PIP5K1C: variants seen among roughly 807,000 people sequenced by gnomAD.
The protein encoded by PIP5K1C is phosphatidylinositol 4-phosphate 5-kinase type-1 gamma.
A neutral mutation model predicts 80.1 loss-of-function variants in PIP5K1C; 45 were observed. That is an observed-to-expected ratio of 0.56 (90% CI 0.44 to 0.72). PIP5K1C has a LOEUF of 0.72. Among genes scored for constraint, PIP5K1C ranks in the 30% least tolerant of loss-of-function variants. The pLI is 0.00. For synonymous variants in PIP5K1C, 498 were observed against 420.1 expected (o/e 1.19, Z -2.27); for missense variants, 753 against 954.6 (o/e 0.79, Z 2.78).
chr19:3,676,789 G>A (rs1017652299), intron 1 of PIP5K1C, among the ~76,000 whole-genome samples: 25 of 152,238 alleles, frequency 1.6e-4, no homozygotes, highest in African/African-American at 5.8e-4. Context: ...AAGAAAAAAA[G>A]GAGAGAAAGG....
chr19:3,699,422 CGCTTGCCCGCCT>C, intron 1 of PIP5K1C, among the ~76,000 whole-genome samples: 1 of 152,310 alleles, frequency 6.6e-6, no homozygotes, highest in South Asian at 2.1e-4. Flanking sequence ...CCCGCCCGCC[CGCTTGCCCGCCT>C]GCCAACCAAG....
chr19:3,674,861 G>C (rs1253421648), intron 1 of PIP5K1C, among the ~76,000 whole-genome samples: 1 of 152,180 alleles, frequency 6.6e-6, no homozygotes, highest in Admixed American at 6.5e-5. Context: ...GTCTTACTTG[G>C]ACTTCTTACA....
chr19:3,650,582 G>A (rs973988264), intron 8 of PIP5K1C, among the ~76,000 whole-genome samples: 1 of 152,218 alleles, frequency 6.6e-6, no homozygotes, highest in African/African-American at 2.4e-5. Context: ...GAATGACCCA[G>A]CCCTCACATC....
chr19:3,668,874 A>G (rs1185969588), intron 1 of PIP5K1C, among the ~76,000 whole-genome samples: 1 of 152,172 alleles, frequency 6.6e-6, no homozygotes, highest in African/African-American at 2.4e-5. Flanking sequence ...ACGGCAGCAC[A>G]AAGGTCACAA....
At chr19:3,660,872 G>A in intron 5 of PIP5K1C, 94 bp downstream of exon 5, 1 of 947,730 alleles carries the variant, frequency 1.1e-6, no homozygotes, top group Non-Finnish European at 1.7e-6. Flanking sequence ...GGAACCCAGG[G>A]AGGCTGCCCC....
Position 3,643,236 on chromosome 19 carries a change from C to T in PIP5K1C, c.1649+7G>A, listed in dbSNP as rs776236359. ...CCGCCCACATGCACTGCGGATGCCT[C>T]GCCCACCTGTACCGCGGCTGCTCCG... is the stretch of plus-strand genomic sequence containing the variant. On this transcript the variant is annotated splice_region_variant and intron_variant, in intron 13 of 17. Transcript: ENST00000335312. The T allele has an allele frequency of 1.1e-5, 18 of 1,613,224 alleles. No homozygotes were observed. The East Asian group carries it at 3.6e-4, about 32-fold the overall frequency.
chr19:3,674,955 C>T (rs1410131159), intron 1 of PIP5K1C, among the ~76,000 whole-genome samples: 1 of 152,174 alleles, frequency 6.6e-6, no homozygotes, highest in African/African-American at 2.4e-5. Flanking sequence ...AGCACGGATG[C>T]ACCTTGAAGA....
chr19:3,643,131 A>G (rs1350791804), intron 13 of PIP5K1C, 112 bp downstream of exon 13: 7 of 1,552,106 alleles, frequency 4.5e-6, no homozygotes, highest in African/African-American at 1.4e-5. Flanking sequence ...TCCACCGTAC[A>G]TACGATGCTC....
At chr19:3,634,291 C>T (rs2033584299) in intron 16 of PIP5K1C, among the ~76,000 whole-genome samples, 1 of 152,034 alleles carries the variant, frequency 6.6e-6, no homozygotes, top group Non-Finnish European at 1.5e-5. Context: ...CTGAGGAGCC[C>T]CCACCCCCTC....
chr19:3,643,165 C>A lies in PIP5K1C; in HGVS notation c.1649+78G>T, dbSNP rs114428049. ...TCCACCCACATGCACAGCGGATGCC[C>A]CGCCCACATGCAGTGAATGCCCCGC... On this transcript the variant is annotated intron_variant, in intron 13 of 17. Coordinates refer to ENST00000335312, the MANE Select transcript of PIP5K1C (RefSeq NM_012398.3). 1,672 of 1,597,570 alleles carry A rather than the reference C, an allele frequency of 1.0e-3. 22 individuals carry two copies. In the African/African-American group the frequency reaches 0.018, roughly 17 times the overall value.
At chr19:3,642,264 G>GT (rs1399117843) in intron 14 of PIP5K1C, among the ~76,000 whole-genome samples, 1 of 152,242 alleles carries the variant, frequency 6.6e-6, no homozygotes, top group Non-Finnish European at 1.5e-5. Flanking sequence ...TTAAAACACG[G>GT]TTAAGAAAAG....
chr19:3,649,958 C>A, intron 8 of PIP5K1C: 1 of 239,500 alleles, frequency 4.2e-6, no homozygotes, highest in Non-Finnish European at 8.3e-6. Context: ...GGCTGGCGCC[C>A]TGCACGCTCT....
chr19:3,698,422 C>T (rs1221861247), intron 1 of PIP5K1C, among the ~76,000 whole-genome samples: 1 of 152,220 alleles, frequency 6.6e-6, no homozygotes, highest in South Asian at 2.1e-4. Flanking sequence ...GCCTGGCGCT[C>T]GCCCTCTCTA....
At chr19:3,641,464 C>T (rs1353635170) in intron 15 of PIP5K1C, among the ~76,000 whole-genome samples, 6 of 152,246 alleles carry the variant, frequency 3.9e-5, no homozygotes, top group African/African-American at 1.2e-4. Flanking sequence ...AGGAGCACCC[C>T]CCAGTTCTAA....
chr19:3,642,761 G>A (rs999552814), intron 14 of PIP5K1C, 146 bp downstream of exon 14: 6 of 717,066 alleles, frequency 8.4e-6, no homozygotes, highest in Admixed American at 2.0e-5. Flanking sequence ...GATTGTGTGC[G>A]GTGCTAGGGC....
chr19:3,637,352 C>A lies in PIP5K1C; in HGVS notation c.1920+1532G>T, dbSNP rs2033732170. On this transcript the variant is annotated intron_variant, in intron 16 of 17. Transcript: ENST00000335312. The surrounding 1 kb of genome is among the most constrained non-coding windows in gnomAD (Gnocchi z 7.0). ...GGACCGAATGACATTCCCAGTGACG[C>A]ATGCAGCCCAGCGCCTGGTCCGGGG... 1 of 1,534,720 alleles carries A rather than the reference C, an allele frequency of 6.5e-7. No homozygotes were observed. Among genetic ancestry groups the A allele is most frequent in the Admixed American group, 2.0e-5 (1 of 50,872 alleles).
At position 3,638,045 on chromosome 19, in the gene PIP5K1C, G is replaced by A. The variant is rs1460868250; in HGVS notation, c.1920+839C>T. On this transcript the variant is annotated intron_variant, in intron 16 of 17. Transcript: ENST00000335312. ...AGGGGAGTTAGTTATGAAGCAGCGAGGAGGTGCCCCCACAACAGGCCCTAA... is the reference window on the plus strand; with the variant it reads ...AGGGGAGTTAGTTATGAAGCAGCGAAGAGGTGCCCCCACAACAGGCCCTAA... 7 of 1,471,096 alleles carry A rather than the reference G, an allele frequency of 4.8e-6. No homozygotes were observed. In the African/African-American group the frequency reaches 7.0e-5, roughly 15 times the overall value. 91.1% of individuals were successfully genotyped at this position (1,471,096 alleles called of 1,614,324 possible).
rs374945708 is a variant in PIP5K1C, at chr19:3,664,897, T to C, written c.144A>G (p.Ala48=). 45 of 1,612,936 alleles carry C rather than the reference T, an allele frequency of 2.8e-5. 1 individual carries two copies. Among genetic ancestry groups the C allele is most frequent in the East Asian group, 2.5e-4 (11 of 44,880 alleles). The change falls in exon 3 of 18, where the codon GCA becomes GCG. Residue 48 remains alanine (A), a synonymous_variant. Coordinates refer to ENST00000335312, the MANE Select transcript of PIP5K1C (RefSeq NM_012398.3). ...AAPTEVLSMT[A]QPGPGHGKKL... is the part of the protein sequence containing the mutation. ...TCTTCCCATGGCCAGGGCCCGGCTG[T>C]GCCGTCATGGACAGAACCTGGGAAG...
In PIP5K1C at chr19:3,656,849, C is replaced by T. The variant is rs569202941; in HGVS notation, c.469-292G>A. On this transcript the variant is annotated intron_variant, in intron 5 of 17. Transcript: ENST00000335312. ...ACCTGATCGCACCGGGGTGCTGACG[C>T]GCGTGGCTAAAAGGTGCTCCCAGCA... 3.2e-4 allele frequency among the ~76,000 whole-genome samples: 49 copies of T among 152,316 alleles called. 1 individual carries two copies. The highest frequency in any genetic ancestry group is 1.2e-3 in the African/African-American group (48 of 41,574).
Sources: gnomAD v4.1 joint callset for allele counts (sites outside exome capture counted in the v4.1 genomes callset) on GRCh38, gnomAD v4.1.1 for gene constraint, Gnocchi (gnomAD v3.1) non-coding constraint, MANE v1.5 for transcripts, NCBI Gene and HGNC (gene_info 2026-07-23, HGNC 2026-07-21) for gene names.